The following DIABLO variants were observed in gnomAD, a reference collection of about 807,000 sequenced individuals.
The protein encoded by DIABLO is diablo homolog, mitochondrial.
DIABLO carries 32 observed loss-of-function variants against 31.7 expected under a neutral mutation model. The observed-to-expected ratio is 1.01, with a 90% CI of 0.76 to 1.35. The LOEUF is 1.35. Among genes scored for constraint, DIABLO ranks in the 40% most tolerant of loss-of-function variants. The pLI, the probability that DIABLO is intolerant of heterozygous loss-of-function variation, is 0.00. For synonymous variants in DIABLO, 132 were observed against 103.2 expected (o/e 1.28, Z -1.69); for missense variants, 316 against 286.4 (o/e 1.10, Z -0.75).
At chr12:122,209,957 C>T (rs940811745) in intron 5 of DIABLO, 27 of 608,668 alleles carry the variant, frequency 4.4e-5, no homozygotes, top group East Asian at 1.9e-4. Flanking sequence ...TAAATGGCTA[C>T]TACACTGAAG....
chr12:122,209,830 C>G (rs1196416024), intron 5 of DIABLO: 1 of 703,064 alleles, frequency 1.4e-6, no homozygotes, highest in Non-Finnish European at 2.6e-6. Flanking sequence ...GGCAGGCATC[C>G]TCCTCTTCTA....
At chr12:122,226,412 G>C, upstream of DIABLO, 2 of 691,500 alleles carry the variant, frequency 2.9e-6, no homozygotes, top group Admixed American at 4.1e-5. Context: ...GGCGGGGCCG[G>C]GCGCGGCGAC....
chr12:122,224,130 A>ATAT (rs1243157734), intron 2 of DIABLO, among the ~76,000 whole-genome samples: 7 of 152,124 alleles, frequency 4.6e-5, no homozygotes, highest in Admixed American at 4.6e-4. Flanking sequence ...CTGATATTTT[A>ATAT]TATTTTATCC....
intron 5 of DIABLO, among the ~76,000 whole-genome samples, chr12:122,214,717 T>G (rs1378221271): frequency 6.6e-6 from 1 of 152,038 alleles, no homozygotes; most frequent in African/African-American, 2.4e-5. Flanking sequence ...TCATCCCAGT[T>G]TCTTTTTTTT....
At chr12:122,220,364 CT>C (rs1256293930) in intron 2 of DIABLO, among the ~76,000 whole-genome samples, 3 of 152,088 alleles carry the variant, frequency 2.0e-5, no homozygotes, top group African/African-American at 7.2e-5. Context: ...GACTCTCTGC[CT>C]TTTTCCTCCT....
At chr12:122,224,927 G>T in intron 1 of DIABLO, 1 of 1,028,196 alleles carries the variant, frequency 9.7e-7, no homozygotes, top group Non-Finnish European at 1.3e-6. Flanking sequence ...TGGGCAACAT[G>T]GCTGGCAACA....
intron 3 of DIABLO, 114 bp downstream of exon 3, chr12:122,218,152 T>C (rs1954255553): frequency 4.7e-6 from 6 of 1,277,280 alleles, no homozygotes; most frequent in Non-Finnish European, 4.5e-6. Context: ...CATAAACAAA[T>C]AGGCCTGGCT....
In DIABLO at chr12:122,208,334, CCT is replaced by C. The variant is rs1953981854; in HGVS notation, c.*45_*46del. ...AACCCTGGGCAGGGTGGCATCTGCC[CCT>C]GCTTTCCCCACTGAGTGGGGAGACA... On this transcript the variant is annotated 3_prime_UTR_variant, in exon 6 of 6. Coordinates refer to ENST00000464942, the MANE Select transcript of DIABLO (RefSeq NM_001371333.1). The C allele has an allele frequency of 2.5e-6, 4 of 1,605,740 alleles. No homozygotes were observed. The highest frequency in any genetic ancestry group is 3.4e-6 in the Non-Finnish European group (4 of 1,177,728).
At chr12:122,223,953 A>C (rs539838780) in intron 2 of DIABLO, among the ~76,000 whole-genome samples, 2 of 152,212 alleles carry the variant, frequency 1.3e-5, no homozygotes, top group Admixed American at 1.3e-4. Flanking sequence ...AGTGTGAGCC[A>C]CCACACCCGG....
rs1326071199 is a variant in DIABLO, at chr12:122,225,977, G to A, written c.38C>T (p.Thr13Ile). The A allele has an allele frequency of 2.5e-6, 4 of 1,600,234 alleles. No homozygotes were observed. Among genetic ancestry groups the A allele is most frequent in the Admixed American group, 1.7e-5 (1 of 58,412 alleles). Residue 13 changes from threonine (T) to isoleucine (I), a missense_variant, in exon 1 of 6, where the codon ACT becomes ATT. Transcript: ENST00000464942. The part of the protein sequence containing the change: ...ALKSWLSRSV[T>I]SFFRYRQCLC... ...GCCGCAGCGGTACCTGAAGAATGAA[G>A]TTACGCTGCGCGACAGCCAACTCTT...
At chr12:122,224,394 G>A in intron 2 of DIABLO, 118 bp downstream of exon 2, 2 of 1,468,544 alleles carry the variant, frequency 1.4e-6, no homozygotes, top group Admixed American at 3.3e-5. Flanking sequence ...CCGGTACTGT[G>A]GGGGAAGGGA....
chr12:122,216,454 TAAA>T lies in DIABLO; in HGVS notation c.523+31_523+33del, dbSNP rs3215200. The T allele has an allele frequency of 4.1e-6, 6 of 1,449,338 alleles. No homozygotes were observed. In the Admixed American group the frequency reaches 5.4e-5, roughly 13 times the overall value. 89.8% of individuals were successfully genotyped at this position (1,449,338 alleles called of 1,614,324 possible). A position where few individuals can be genotyped will look rare whatever the true frequency, so the allele number is the denominator to read the frequency against. The stretch of plus-strand genomic sequence containing the variant: ...AATGGTACCTTCCTAGTTAAAAAAT[TAAA>T]AAAAAAACCCAACACAAAACTTGAA... On this transcript the variant is annotated intron_variant, in intron 5 of 5. Coordinates refer to ENST00000464942, the MANE Select transcript of DIABLO (RefSeq NM_001371333.1).
Position 122,224,545 on chromosome 12 carries a change from A to G in DIABLO, c.150T>C (p.Phe50=), listed in dbSNP as rs1954404852. Residue 50 remains phenylalanine, a synonymous_variant, in exon 2 of 6, where the codon TTT becomes TTC. Coordinates refer to ENST00000464942, the MANE Select transcript of DIABLO (RefSeq NM_001371333.1). ...RPWHKTVTIG[F]GVTLCAVPIA... ...TAGGAACCGCACACAGGGTTACTCC[A>G]AAGCCAATCGTCACAGTTTTGTGCC... 1.2e-6 allele frequency: 2 copies of G among 1,613,776 alleles called. No individual in the cohort carries two copies. Among genetic ancestry groups the G allele is most frequent in the Non-Finnish European group, 1.7e-6 (2 of 1,179,994 alleles).
chr12:122,226,747 T>C (rs1225554779), upstream of DIABLO: 36 of 564,918 alleles, frequency 6.4e-5, no homozygotes, highest in Non-Finnish European at 1.0e-4. Flanking sequence ...GGAGAATCCT[T>C]CTCAACCCAA....
At chr12:122,212,807 A>G (rs1411362433) in intron 5 of DIABLO, among the ~76,000 whole-genome samples, 1 of 151,416 alleles carries the variant, frequency 6.6e-6, no homozygotes, top group Non-Finnish European at 1.5e-5. Context: ...TTGTATTTTT[A>G]GTAGAGACGG....
intron 2 of DIABLO, chr12:122,220,686 C>CAA (rs1182644312): frequency 1.3e-5 from 2 of 150,740 alleles, no homozygotes; most frequent in Admixed American, 6.6e-5. Context: ...AAAACAAAAA[C>CAA]AAAAAATCAA....
At chr12:122,224,459 A>C (rs1954401654) in intron 2 of DIABLO, 53 bp downstream of exon 2, 1 of 1,613,348 alleles carries the variant, frequency 6.2e-7, no homozygotes, top group South Asian at 1.1e-5. Flanking sequence ...CGCCCACTTG[A>C]GACTTCAAGA....
rs746221208 is a variant in DIABLO, at chr12:122,208,617, G to A, written c.524-40C>T. 5 of 1,596,486 alleles carry A rather than the reference G, an allele frequency of 3.1e-6. No homozygotes were observed. In the Admixed American group the frequency reaches 8.5e-5, roughly 27 times the overall value. On this transcript the variant is annotated intron_variant, in intron 5 of 5. Coordinates refer to ENST00000464942, the MANE Select transcript of DIABLO (RefSeq NM_001371333.1). Reference sequence around the variant, plus strand: ...GACAATCGGGTTGAGCAGCCGTGCAGGGCGCGGAAGGCTCATGTGGACGTT... The same window carrying A: ...GACAATCGGGTTGAGCAGCCGTGCAAGGCGCGGAAGGCTCATGTGGACGTT...
chr12:122,218,488 T>A, intron 2 of DIABLO, 91 bp from the exon 3 acceptor site: 1 of 1,556,554 alleles, frequency 6.4e-7, no homozygotes, highest in Non-Finnish European at 8.8e-7. Flanking sequence ...ATTGTCATGC[T>A]GCTTAGTGTT....
Sources: gnomAD v4.1 joint callset for allele counts (sites outside exome capture counted in the v4.1 genomes callset) on GRCh38, gnomAD v4.1.1 for gene constraint, MANE v1.5 for transcripts, NCBI Gene and HGNC (gene_info 2026-07-23, HGNC 2026-07-21) for gene names.